The following KIAA1549L variants were observed in gnomAD, a reference collection of about 807,000 sequenced individuals.
KIAA1549L encodes KIAA1549 like, also known as UPF0606 protein KIAA1549L.
KIAA1549L carries 88 observed loss-of-function variants against 160.7 expected under a neutral mutation model. The ratio of observed to expected loss-of-function variants is 0.55; its 90% confidence interval spans 0.46 to 0.65. KIAA1549L has a LOEUF of 0.65. KIAA1549L is among the 30% of genes least tolerant of loss of function. The pLI is 0.00. For synonymous variants in KIAA1549L, 950 were observed against 976.7 expected (o/e 0.97, Z 0.51); for missense variants, 2,258 against 2,437.5 (o/e 0.93, Z 1.55).
At position 33,544,345 on chromosome 11, in the gene KIAA1549L, A is replaced by T; in HGVS notation, c.2773+9A>T. The stretch of plus-strand genomic sequence containing the variant: ...CCCCAAGAAATGGACAGGTGCAGCC[A>T]CTAATGCAGGTAGTTTGTTTCCCGG... On this transcript the variant is annotated intron_variant, in intron 2 of 20. Transcript: ENST00000658780. The T allele has an allele frequency of 6.2e-7, 1 of 1,613,152 alleles. No homozygotes were observed. The highest frequency in any genetic ancestry group is 8.5e-7 in the Non-Finnish European group (1 of 1,179,492).
At chr11:33,613,720 C>A (rs1850707446) in intron 15 of KIAA1549L, among the ~76,000 whole-genome samples, 1 of 152,100 alleles carries the variant, frequency 6.6e-6, no homozygotes. Context: ...TGGGTGGAGA[C>A]AAATATCCAA....
At chr11:33,407,114 TCG>T in intron 1 of KIAA1549L, among the ~76,000 whole-genome samples, 1 of 130,150 alleles carries the variant, frequency 7.7e-6, no homozygotes, top group Non-Finnish European at 1.6e-5. Flanking sequence ...AGACGGAGTC[TCG>T]CTCTGTCGTC....
Position 33,542,491 on chromosome 11 carries a change from A to T in KIAA1549L, c.928A>T (p.Ile310Leu). The stretch of plus-strand genomic sequence containing the variant: ...TGCATCCCAAAATGCCCAGGATCTC[A>T]TAGGCATCCCTCATCTAGGTGTTTC... ...HTASQNAQDLIGIPHLGVSGS... is the reference protein window; with the variant it reads ...HTASQNAQDLLGIPHLGVSGS... The change falls in exon 2 of 21, where the codon ATA becomes TTA. Residue 310 changes from isoleucine to leucine, a missense_variant. This residue lies in a region of KIAA1549L where 540 missense variants were observed against 465.7 expected (regional missense o/e 1.16). Coordinates refer to ENST00000658780, the MANE Select transcript of KIAA1549L (RefSeq NM_012194.3). 1 of 1,613,332 alleles carries T rather than the reference A, an allele frequency of 6.2e-7. No individual in the cohort carries two copies. Among genetic ancestry groups the T allele is most frequent in the Non-Finnish European group, 8.5e-7 (1 of 1,179,392 alleles).
chr11:33,556,571 G>C lies in KIAA1549L; in HGVS notation c.3856-3178G>C, dbSNP rs923432924. 3.3e-5 allele frequency among the ~76,000 whole-genome samples: 5 copies of C among 152,280 alleles called. No homozygotes were observed. The South Asian group carries it at 1.0e-3, about 32-fold the overall frequency. ...TACAACAGGGATGAACCTTGAGGACGTTTTGCTAAGTGAAATAAGCCAGCC... is the reference window on the plus strand; with the variant it reads ...TACAACAGGGATGAACCTTGAGGACCTTTTGCTAAGTGAAATAAGCCAGCC... On this transcript the variant is annotated intron_variant, in intron 6 of 20. Transcript: ENST00000658780.
chr11:33,417,926 C>A (rs149806619), intron 1 of KIAA1549L, among the ~76,000 whole-genome samples: 52 of 152,226 alleles, frequency 3.4e-4, no homozygotes, highest in African/African-American at 1.1e-3. Context: ...TACAGGTGCC[C>A]ACCACCACGC....
At chr11:33,519,923 G>A (rs930491107) in intron 1 of KIAA1549L, among the ~76,000 whole-genome samples, 5 of 143,500 alleles carry the variant, frequency 3.5e-5, no homozygotes, top group African/African-American at 1.3e-4. Context: ...ACCTATCAAA[G>A]GAAATATCGG....
chr11:33,615,204 A>G (rs1453758068), intron 15 of KIAA1549L, among the ~76,000 whole-genome samples: 1 of 152,156 alleles, frequency 6.6e-6, no homozygotes, highest in Admixed American at 6.5e-5. Flanking sequence ...AGGTAATAAT[A>G]TATAAAGATG....
In KIAA1549L at chr11:33,494,243, T is replaced by G. The variant is rs76315634; in HGVS notation, c.239-47559T>G. The stretch of plus-strand genomic sequence containing the variant: ...AAGCAATTATATAGATATGTTTTAC[T>G]CTGAACCCAATGCAAGAAAACCAAA... On this transcript the variant is annotated intron_variant, in intron 1 of 20. Coordinates refer to ENST00000658780, the MANE Select transcript of KIAA1549L (RefSeq NM_012194.3). Among the ~76,000 whole-genome samples, 373 of 152,342 alleles carry G rather than the reference T, an allele frequency of 2.4e-3. 4 individuals are homozygous for G. The South Asian group carries it at 0.025, about 10-fold the overall frequency.
intron 16 of KIAA1549L, among the ~76,000 whole-genome samples, chr11:33,644,967 G>A (rs1252400306): frequency 6.6e-6 from 1 of 152,240 alleles, no homozygotes; most frequent in East Asian, 1.9e-4. Context: ...CATGCAGCCT[G>A]TTCTGGAAGC....
chr11:33,426,659 ATTAATC>A (rs1424329230), intron 1 of KIAA1549L, among the ~76,000 whole-genome samples: 1 of 152,184 alleles, frequency 6.6e-6, no homozygotes, highest in Non-Finnish European at 1.5e-5. Flanking sequence ...GCTTGTCACC[ATTAATC>A]TTAATAATAT....
At chr11:33,634,940 GA>G (rs11392645) in intron 16 of KIAA1549L, among the ~76,000 whole-genome samples, 2 of 152,196 alleles carry the variant, frequency 1.3e-5, no homozygotes, top group South Asian at 4.1e-4. Flanking sequence ...AAATTTTGCT[GA>G]AAAAATTTTT....
chr11:33,419,881 CAT>C (rs1850966140), intron 1 of KIAA1549L, among the ~76,000 whole-genome samples: 3 of 103,756 alleles, frequency 2.9e-5, no homozygotes, highest in African/African-American at 3.2e-5. Flanking sequence ...TACATACATA[CAT>C]ACATACATAC....
Position 33,543,406 on chromosome 11 carries a change from C to T in KIAA1549L, c.1843C>T (p.Pro615Ser). The change falls in exon 2 of 21, where the codon CCA becomes TCA. Residue 615 changes from proline to serine, a missense_variant. Around this residue, in one of 6 missense-constraint regions of KIAA1549L, gnomAD observed 540 missense variants for 465.7 expected, o/e 1.16. Transcript: ENST00000658780. The part of the protein sequence containing the change: ...GSVSSPIITA[P>S]RTNPLPSGPP... ...TGTCTCATCTCCCATCATTACAGCA[C>T]CAAGGACGAATCCCCTTCCTTCAGG... The T allele has an allele frequency of 6.2e-7, 1 of 1,614,014 alleles. No individual in the cohort carries two copies. Among genetic ancestry groups the T allele is most frequent in the Non-Finnish European group, 8.5e-7 (1 of 1,179,878 alleles).
chr11:33,433,576 A>G (rs529140283), intron 1 of KIAA1549L, among the ~76,000 whole-genome samples: 2 of 152,340 alleles, frequency 1.3e-5, no homozygotes, highest in African/African-American at 4.8e-5. Context: ...TGACCCAGCA[A>G]TCCCATTACT....
chr11:33,413,474 T>C (rs576374820), intron 1 of KIAA1549L, among the ~76,000 whole-genome samples: 36 of 152,068 alleles, frequency 2.4e-4, no homozygotes, highest in Admixed American at 1.3e-3. Context: ...CTTAACATTC[T>C]TCAGAGTGAG....
intron 1 of KIAA1549L, among the ~76,000 whole-genome samples, chr11:33,527,791 CAAAAG>C (rs1214536680): frequency 6.6e-6 from 1 of 152,036 alleles, no homozygotes; most frequent in Non-Finnish European, 1.5e-5. Flanking sequence ...AGACAATTCT[CAAAAG>C]AAGATGGTAC....
At chr11:33,633,365 G>C (rs1851354461) in intron 16 of KIAA1549L, among the ~76,000 whole-genome samples, 1 of 151,902 alleles carries the variant, frequency 6.6e-6, no homozygotes, top group East Asian at 1.9e-4. Context: ...TGTAACGACT[G>C]CTATTCACTG....
chr11:33,594,800 AAGCAG>A (rs1372573520), intron 12 of KIAA1549L, among the ~76,000 whole-genome samples: 1 of 152,234 alleles, frequency 6.6e-6, no homozygotes, highest in Non-Finnish European at 1.5e-5. Context: ...GAGAGAGCAT[AAGCAG>A]AGCAGAGCTG....
chr11:33,533,151 G>A (rs1853814025), intron 1 of KIAA1549L, among the ~76,000 whole-genome samples: 1 of 152,178 alleles, frequency 6.6e-6, no homozygotes, highest in African/African-American at 2.4e-5. Context: ...ATCAGTACAT[G>A]TGCACTTCCT....
Sources: gnomAD v4.1 joint callset for allele counts (sites outside exome capture counted in the v4.1 genomes callset) on GRCh38, gnomAD v4.1.1 for gene constraint, gnomAD v4.1.1 regional missense constraint, MANE v1.5 for transcripts, NCBI Gene and HGNC (gene_info 2026-07-23, HGNC 2026-07-21) for gene names.